The following PVT1 variants were observed in gnomAD, a reference collection of about 807,000 sequenced individuals.
PVT1 encodes Pvt1 oncogene.
chr8:127,867,006 AGTCATCAGCTGG>A (rs1815292803), intron 2 of PVT1, among the ~76,000 whole-genome samples: 1 of 152,218 alleles, frequency 6.6e-6, no homozygotes, highest in African/African-American at 2.4e-5. Context: ...TTGAAACCCA[AGTCATCAGCTGG>A]GCAGTGCATG....
intron 2 of PVT1, among the ~76,000 whole-genome samples, chr8:127,866,926 G>A (rs1052755881): frequency 3.9e-5 from 6 of 152,196 alleles, no homozygotes. Flanking sequence ...GTGCCTGTGA[G>A]GAGTTTGCAC....
chr8:127,984,850 TTTCTTTCTTTCTTTCTTTCTTTC>T (rs1816928613), intron 3 of PVT1, among the ~76,000 whole-genome samples: 1 of 20,412 alleles, frequency 4.9e-5, no homozygotes, highest in Non-Finnish European at 1.4e-4. Context: ...TCTTTCTTTC[TTTCTTTCTTTCTTTCTTTCTTTC>T]TTTCTTTCTT....
intron 5 of PVT1, among the ~76,000 whole-genome samples, chr8:128,083,782 G>T (rs1215264504): frequency 6.6e-6 from 1 of 152,222 alleles, no homozygotes. Context: ...TGAGGGTCAA[G>T]ATCCTCAGCT....
chr8:127,872,606 G>C (rs912352583), intron 2 of PVT1, among the ~76,000 whole-genome samples: 1 of 152,066 alleles, frequency 6.6e-6, no homozygotes, highest in African/African-American at 2.4e-5. Flanking sequence ...TAAATAAAAA[G>C]TTCATTAAAA....
intron 3 of PVT1, among the ~76,000 whole-genome samples, chr8:127,914,109 A>T (rs1044371995): frequency 6.6e-6 from 1 of 152,004 alleles, no homozygotes; most frequent in East Asian, 1.9e-4. Context: ...ACTTGAACAC[A>T]CATTTCTCCA....
chr8:127,929,207 T>C (rs778876966), intron 3 of PVT1, among the ~76,000 whole-genome samples: 5,786 of 151,242 alleles, frequency 0.038, 160 homozygotes, highest in Non-Finnish European at 0.055. Flanking sequence ...CTGTTTTTTT[T>C]TTTTTTTTTT....
At chr8:128,002,031 C>G (rs996155009) in intron 4 of PVT1, among the ~76,000 whole-genome samples, 2 of 152,140 alleles carry the variant, frequency 1.3e-5, no homozygotes, top group African/African-American at 4.8e-5. Flanking sequence ...CAATCCTGCT[C>G]GACCGAATTC....
intron 3 of PVT1, among the ~76,000 whole-genome samples, chr8:127,973,602 T>G (rs935420293): frequency 5.3e-5 from 8 of 151,414 alleles, no homozygotes; most frequent in Non-Finnish European, 1.2e-4. Context: ...AAATCCCAAC[T>G]AGGTCCCACC....
Position 127,817,456 on chromosome 8 carries a change from G to A in PVT1, n.372+21385G>A, listed in dbSNP as rs1488049873. The stretch of plus-strand genomic sequence containing the variant: ...TATTACAGACTCAATTTAACCCTTA[G>A]GGAAATATATATATATATATGTGTG... On this transcript the variant is annotated intron_variant and non_coding_transcript_variant, in intron 2 of 10. Coordinates refer to ENST00000651587, the Ensembl canonical transcript of PVT1. 8.7e-5 allele frequency among the ~76,000 whole-genome samples: 10 copies of A among 114,344 alleles called. No homozygotes were observed. The South Asian group carries it at 2.0e-3, about 23-fold the overall frequency. The allele number at this position is 114,344 out of a possible 152,430, so 75.0% of individuals were successfully genotyped here. A position where few individuals can be genotyped will look rare whatever the true frequency, so the allele number is the denominator to read the frequency against.
At chr8:128,082,257 G>C (rs766414639) in intron 5 of PVT1, among the ~76,000 whole-genome samples, 2 of 152,206 alleles carry the variant, frequency 1.3e-5, no homozygotes, top group African/African-American at 4.8e-5. Flanking sequence ...CTTTAGGGAG[G>C]TTAAGTAACT....
rs1168506057 is a variant in PVT1 at position 127,984,869 on chromosome 8, CTT to C, written n.783-4291_783-4290del. The stretch of plus-strand genomic sequence containing the variant: ...TCTTTCTTTCTTTCTTTCTTTCTTT[CTT>C]TCTTTCTTTCTTTCTTTCTTTCTTT... On this transcript the variant is annotated intron_variant and non_coding_transcript_variant, in intron 3 of 10. Coordinates refer to ENST00000651587, the Ensembl canonical transcript of PVT1. Among the ~76,000 whole-genome samples the C allele has an allele frequency of 6.8e-5, 5 of 73,426 alleles. No homozygotes were observed. The South Asian group carries it at 1.9e-3, about 28-fold the overall frequency. 48.2% of individuals were successfully genotyped at this position (73,426 alleles called of 152,430 possible). A position where few individuals can be genotyped will look rare whatever the true frequency, so the allele number is the denominator to read the frequency against.
At chr8:127,988,464 G>A (rs962057578) in intron 3 of PVT1, among the ~76,000 whole-genome samples, 3 of 152,202 alleles carry the variant, frequency 2.0e-5, no homozygotes, top group Admixed American at 1.3e-4. Flanking sequence ...AGTACCAGGC[G>A]CTGCTTTAGG....
chr8:127,985,756 C>G (rs182274530), intron 3 of PVT1, among the ~76,000 whole-genome samples: 1 of 152,348 alleles, frequency 6.6e-6, no homozygotes, highest in African/African-American at 2.4e-5. Context: ...CTGCTCCACT[C>G]TCTGCCATCT....
chr8:128,063,987 TA>T (rs200507030), intron 4 of PVT1, among the ~76,000 whole-genome samples: 2 of 151,308 alleles, frequency 1.3e-5, no homozygotes, highest in Non-Finnish European at 1.5e-5. Context: ...ATCTGTGAAT[TA>T]AAAAAAAAGA....
At chr8:128,041,497 G>GTA (rs1491365798) in intron 4 of PVT1, among the ~76,000 whole-genome samples, 4 of 25,186 alleles carry the variant, frequency 1.6e-4, no homozygotes, top group African/African-American at 4.3e-4. Flanking sequence ...TATGTGTTTG[G>GTA]TATGTGTGTG....
chr8:128,002,496 G>T (rs1817192327), intron 4 of PVT1, among the ~76,000 whole-genome samples: 1 of 152,224 alleles, frequency 6.6e-6, no homozygotes, highest in Non-Finnish European at 1.5e-5. Context: ...GAAGCCAGAA[G>T]TCTGAAATCA....
intron 2 of PVT1, among the ~76,000 whole-genome samples, chr8:127,818,088 G>A (rs1435284109): frequency 6.6e-6 from 1 of 152,128 alleles, no homozygotes; most frequent in Non-Finnish European, 1.5e-5. Flanking sequence ...GGCCAAGGAC[G>A]CCAGGCAGGA....
chr8:127,854,596 A>G (rs1703895448), intron 2 of PVT1: 1 of 152,094 alleles, frequency 6.6e-6, no homozygotes, highest in African/African-American at 2.4e-5. Flanking sequence ...ACATTCCTCA[A>G]TCTCGGTCCG....
intron 2 of PVT1, among the ~76,000 whole-genome samples, chr8:127,838,817 A>G (rs1814937246): frequency 1.3e-5 from 2 of 152,264 alleles, no homozygotes; most frequent in South Asian, 2.1e-4. Flanking sequence ...TTATAACCCT[A>G]TGTTCTAAGT....
Sources: allele counts gnomAD v4.1 joint callset (sites outside exome capture counted in the v4.1 genomes callset), GRCh38; gene constraint gnomAD v4.1.1; transcripts MANE v1.5; gene names NCBI Gene and HGNC (gene_info 2026-07-23, HGNC 2026-07-21).